CEP43: variants seen among roughly 807,000 people sequenced by gnomAD.
CEP43 encodes centrosomal protein 43, also known as FGFR1 oncogene partner.
A neutral mutation model predicts 52.6 loss-of-function variants in CEP43; 36 were observed. That is an observed-to-expected ratio of 0.68 (90% CI 0.52 to 0.90). CEP43 has a LOEUF of 0.90. Among genes scored for constraint, CEP43 ranks in the 40% least tolerant of loss-of-function variants. The pLI, the probability that CEP43 is intolerant of heterozygous loss-of-function variation, is 0.00. For synonymous variants in CEP43, 192 were observed against 172.4 expected (o/e 1.11, Z -0.89); for missense variants, 506 against 472.8 (o/e 1.07, Z -0.65).
At chr6:167,018,842 T>C (rs1038501000) in intron 7 of CEP43, among the ~76,000 whole-genome samples, 7 of 152,198 alleles carry the variant, frequency 4.6e-5, no homozygotes, top group South Asian at 2.1e-4. Flanking sequence ...TCTTAACTCA[T>C]GATAAGGGTT....
chr6:167,000,257 G>C, intron 2 of CEP43, 144 bp downstream of exon 2: 1 of 588,166 alleles, frequency 1.7e-6, no homozygotes. Context: ...TATTGAGAGA[G>C]AGCCAAAATT....
intron 11 of CEP43, among the ~76,000 whole-genome samples, chr6:167,032,970 A>G (rs112356252): frequency 0.02 from 3,041 of 152,204 alleles, 88 homozygotes; most frequent in African/African-American, 0.067. Flanking sequence ...TCTTCCTTCC[A>G]TACCTTTTTG....
At chr6:167,036,319 C>T in intron 12 of CEP43, 2 of 985,366 alleles carry the variant, frequency 2.0e-6, no homozygotes, top group African/African-American at 3.5e-5. Context: ...GATTCCAGAG[C>T]TTCACTGGAG....
At position 167,040,311 on chromosome 6, in the gene CEP43, C is replaced by T. The variant is rs764910270; in HGVS notation, c.*333C>T. The stretch of plus-strand genomic sequence containing the variant: ...AAAGGTGTCAATAAAGCCGTAGGAT[C>T]GCGCAACCCTTTGTGTGTGTGGCTG... On this transcript the variant is annotated 3_prime_UTR_variant, in exon 13 of 13. Coordinates refer to ENST00000366847, the MANE Select transcript of CEP43 (RefSeq NM_007045.4). 24 of 1,439,264 alleles carry T rather than the reference C, an allele frequency of 1.7e-5. No homozygotes were observed. Among genetic ancestry groups the T allele is most frequent in the South Asian group, 7.5e-5 (5 of 66,602 alleles). The allele number at this position is 1,439,264 out of a possible 1,614,324, so 89.2% of individuals were successfully genotyped here.
intron 8 of CEP43, among the ~76,000 whole-genome samples, chr6:167,024,321 G>C (rs779112619): frequency 2.0e-5 from 3 of 152,170 alleles, no homozygotes; most frequent in African/African-American, 2.4e-5. Flanking sequence ...AACCCGGAGG[G>C]TTGTTGGGCA....
At position 167,010,839 on chromosome 6, in the gene CEP43, T is replaced by C; in HGVS notation, c.465T>C (p.His155=). The change falls in exon 6 of 13, where the codon CAT becomes CAC. Residue 155 remains histidine, a synonymous_variant. Transcript: ENST00000366847. The part of the protein sequence containing the change: ...GEGALDLSDV[H]SPPKSPEGKT... ...GTGCACTTGATCTATCTGATGTACA[T>C]TCTCCACCAAAGTCACCAGAGGGAA... 6.3e-7 allele frequency: 1 copy of C among 1,592,872 alleles called. No homozygotes were observed. Among genetic ancestry groups the C allele is most frequent in the Non-Finnish European group, 8.5e-7 (1 of 1,169,782 alleles).
At chr6:167,026,477 A>G in intron 9 of CEP43, 70 bp from the exon 10 acceptor site, 2 of 991,200 alleles carry the variant, frequency 2.0e-6, no homozygotes, top group South Asian at 2.7e-5. Flanking sequence ...AACAACGACA[A>G]AAATTGATGT....
Position 167,026,575 on chromosome 6 carries a change from T to C in CEP43, c.948T>C (p.Asp316=). The change falls in exon 10 of 13, where the codon GAT becomes GAC. Residue 316 remains aspartate, a synonymous_variant. Coordinates refer to ENST00000366847, the MANE Select transcript of CEP43 (RefSeq NM_007045.4). ...AAAGGGGAAATACAGTTTTGAAAGA[T>C]CTGAAATTGATCAGTGATAAAATTG... ...ESKRGNTVLK[D]LKLISDKIGS... 2 of 1,598,452 alleles carry C rather than the reference T, an allele frequency of 1.3e-6. No individual in the cohort carries two copies. Among genetic ancestry groups the C allele is most frequent in the Non-Finnish European group, 1.7e-6 (2 of 1,165,716 alleles).
At chr6:167,009,255 G>T (rs1257708983) in intron 5 of CEP43, among the ~76,000 whole-genome samples, 1 of 151,652 alleles carries the variant, frequency 6.6e-6, no homozygotes, top group Non-Finnish European at 1.5e-5. Flanking sequence ...GGCCAGGTGC[G>T]GTGGCTCAAA....
Position 167,003,254 on chromosome 6 carries a change from T to A in CEP43, c.211+7T>A. Reference sequence around the variant, plus strand: ...TTTTTAAATACCAAAGACGGTAAGATGTTCAGTTTGTTCTTGTTTATCTAT... The same window carrying A: ...TTTTTAAATACCAAAGACGGTAAGAAGTTCAGTTTGTTCTTGTTTATCTAT... On this transcript the variant is annotated splice_region_variant and intron_variant, in intron 3 of 12. Transcript: ENST00000366847. The A allele has an allele frequency of 6.9e-7, 1 of 1,439,750 alleles. No individual in the cohort carries two copies. The highest frequency in any genetic ancestry group is 2.4e-5 in the East Asian group (1 of 41,050). The allele number at this position is 1,439,750 out of a possible 1,614,324, so 89.2% of individuals were successfully genotyped here. A position where few individuals can be genotyped will look rare whatever the true frequency, so the allele number is the denominator to read the frequency against.
At chr6:167,031,204 C>T (rs1054188761) in intron 10 of CEP43, among the ~76,000 whole-genome samples, 16 of 152,154 alleles carry the variant, frequency 1.1e-4, no homozygotes, top group Admixed American at 7.9e-4. Flanking sequence ...TACAGATGTG[C>T]GTCACTGCTC....
intron 7 of CEP43, among the ~76,000 whole-genome samples, chr6:167,019,658 T>G (rs1780181354): frequency 6.6e-6 from 1 of 152,240 alleles, no homozygotes; most frequent in Non-Finnish European, 1.5e-5. Flanking sequence ...TTCTGTTATG[T>G]TTACAAGTAT....
In CEP43 at chr6:167,050,800, AAAAAG is replaced by A. The variant is rs1780861524; in HGVS notation, c.*10826_*10830del. 1 of 136,780 alleles carries A rather than the reference AAAAAG, an allele frequency of 7.3e-6. No individual in the cohort carries two copies. The highest frequency in any genetic ancestry group is 2.6e-5 in the African/African-American group (1 of 38,904). 8.5% of individuals were successfully genotyped at this position (136,780 alleles called of 1,614,324 possible). On this transcript the variant is annotated 3_prime_UTR_variant, in exon 13 of 13. Transcript: ENST00000366847. ...AAAAAAGAAAAAAAAAAAAAAAAAA[AAAAAG>A]AAAGAAAATGAGACATTGGATTTGT... is the stretch of plus-strand genomic sequence containing the variant.
chr6:167,021,204 G>A (rs1780224398), intron 7 of CEP43, among the ~76,000 whole-genome samples: 1 of 152,062 alleles, frequency 6.6e-6, no homozygotes, highest in Non-Finnish European at 1.5e-5. Context: ...AGTATGCAAG[G>A]CTGAATTTTG....
chr6:167,020,942 A>G (rs1407163765), intron 7 of CEP43, among the ~76,000 whole-genome samples: 1 of 147,898 alleles, frequency 6.8e-6, no homozygotes, highest in Non-Finnish European at 1.5e-5. Context: ...AGATTATACG[A>G]CTGGGTGTAG....
At position 167,022,646 on chromosome 6, in the gene CEP43, G is replaced by A. The variant is rs1158353166; in HGVS notation, c.806+11G>A. The A allele has an allele frequency of 2.6e-5, 41 of 1,577,934 alleles. No individual in the cohort carries two copies. The highest frequency in any genetic ancestry group is 3.2e-5 in the Non-Finnish European group (37 of 1,148,106). On this transcript the variant is annotated intron_variant, in intron 8 of 12. Coordinates refer to ENST00000366847, the MANE Select transcript of CEP43 (RefSeq NM_007045.4). ...GAAAACTTACGGTTTGTGAGTAAAT[G>A]GTTTTTGAGCTATGAGACTAGGGGT...
chr6:167,022,515 T>C lies in CEP43; in HGVS notation c.686T>C (p.Phe229Ser), dbSNP rs1583282748. ...LLSHETKIGSFLSNRTLDGKD... is the reference protein window; with the variant it reads ...LLSHETKIGSSLSNRTLDGKD... ...TCCCATGAAACAAAAATTGGATCTT[T>C]TCTAAGCAACAGAACTTTAGATGGC... Residue 229 changes from phenylalanine to serine, a missense_variant, in exon 8 of 13, where the codon TTT (phenylalanine) becomes TCT (serine). By Grantham distance (155) the Phe-to-Ser change is radical. Coordinates refer to ENST00000366847, the MANE Select transcript of CEP43 (RefSeq NM_007045.4). 1 of 1,614,112 alleles carries C rather than the reference T, an allele frequency of 6.2e-7. No individual in the cohort carries two copies. Among genetic ancestry groups the C allele is most frequent in the East Asian group, 2.2e-5 (1 of 44,868 alleles).
rs1780856493 is a variant in CEP43, at chr6:167,050,604, C to T, written c.*10626C>T. The T allele has an allele frequency of 6.6e-6, 1 of 151,882 alleles. No homozygotes were observed. Among genetic ancestry groups the T allele is most frequent in the Non-Finnish European group, 1.5e-5 (1 of 68,020 alleles). The allele number at this position is 151,882 out of a possible 1,614,324, so 9.4% of individuals were successfully genotyped here. A position where few individuals can be genotyped will look rare whatever the true frequency, so the allele number is the denominator to read the frequency against. ...CCAGCGTGGCTAACATGGAGAACTCCTGTCTCTACTAAAAATACAAAAATT... is the reference window on the plus strand; with the variant it reads ...CCAGCGTGGCTAACATGGAGAACTCTTGTCTCTACTAAAAATACAAAAATT... On this transcript the variant is annotated 3_prime_UTR_variant, in exon 13 of 13. Transcript: ENST00000366847.
intron 5 of CEP43, among the ~76,000 whole-genome samples, chr6:167,009,458 C>G (rs1779930202): frequency 8.4e-6 from 1 of 119,486 alleles, no homozygotes; most frequent in African/African-American, 3.3e-5. Flanking sequence ...TGTGGTGAGC[C>G]AAGATTGCGC....
Sources: allele counts gnomAD v4.1 joint callset (sites outside exome capture counted in the v4.1 genomes callset), GRCh38; gene constraint gnomAD v4.1.1; transcripts MANE v1.5; gene names NCBI Gene and HGNC (gene_info 2026-07-23, HGNC 2026-07-21).